Variants in FAT3 observed in about 807,000 individuals in gnomAD.
The protein encoded by FAT3 is FAT atypical cadherin 3.
In FAT3, 95 loss-of-function variants were observed where a neutral mutation model predicts 310.2. The observed-to-expected ratio is 0.31, with a 90% CI of 0.26 to 0.36. The LOEUF (loss-of-function observed/expected upper bound fraction) is 0.36, where lower values mean the gene tolerates loss of function less well. Ranked by LOEUF, FAT3 falls within the 10% of genes least tolerant of loss-of-function variation. The pLI, the probability that FAT3 is intolerant of heterozygous loss-of-function variation, is 1.00. For synonymous variants in FAT3, 2,314 were observed against 2,192.9 expected (o/e 1.06, Z -1.54); for missense variants, 5,408 against 5,715.6 (o/e 0.95, Z 1.74).
chr11:92,661,338 A>G (rs2135794339), intron 3 of FAT3, among the ~76,000 whole-genome samples: 1 of 152,330 alleles, frequency 6.6e-6, no homozygotes, highest in Admixed American at 6.5e-5. Context: ...GCCGACAGAA[A>G]GGTGTGTGGT....
intron 2 of FAT3, among the ~76,000 whole-genome samples, chr11:92,496,667 G>A (rs1952776085): frequency 6.6e-6 from 1 of 152,030 alleles, no homozygotes; most frequent in African/African-American, 2.4e-5. Flanking sequence ...CTCTAGGGCA[G>A]TGGTGGGGAC....
chr11:92,421,279 A>T (rs1450464093), intron 2 of FAT3, among the ~76,000 whole-genome samples: 1 of 152,234 alleles, frequency 6.6e-6, no homozygotes, highest in East Asian at 1.9e-4. Flanking sequence ...CTGAGAGCCT[A>T]AACATTAATA....
chr11:92,705,148 C>T (rs1944231085), intron 4 of FAT3, among the ~76,000 whole-genome samples: 1 of 152,202 alleles, frequency 6.6e-6, no homozygotes, highest in Non-Finnish European at 1.5e-5. Context: ...GTTTTACCCA[C>T]AAGAATGCTT....
intron 1 of FAT3, among the ~76,000 whole-genome samples, chr11:92,334,797 A>G (rs1591124797): frequency 6.6e-6 from 1 of 152,192 alleles, no homozygotes; most frequent in Non-Finnish European, 1.5e-5. Flanking sequence ...CCAGGCCAGC[A>G]TATGTGAAAC....
At chr11:92,805,459 T>C (rs1001933054) in intron 11 of FAT3, 110 bp downstream of exon 11, 8 of 1,191,884 alleles carry the variant, frequency 6.7e-6, no homozygotes, top group Non-Finnish European at 8.1e-6. Context: ...TTATCTGCAA[T>C]TGGGTGTGGG....
At position 92,708,542 on chromosome 11, in the gene FAT3, A is replaced by G. The variant is rs185386829; in HGVS notation, c.3669+11097A>G. On this transcript the variant is annotated intron_variant, in intron 4 of 27. Transcript: ENST00000525166. ...TATTTACACTGCACATGCATTGCAC[A>G]TGTTAAGTGTTTAATATGTTAGCTA... 5.3e-5 allele frequency among the ~76,000 whole-genome samples: 8 copies of G among 152,362 alleles called. No individual in the cohort carries two copies. In the East Asian group the frequency reaches 1.5e-3, roughly 29 times the overall value.
In FAT3 at chr11:92,353,747, C is replaced by A; in HGVS notation, c.1635C>A (p.Phe545Leu). 2 of 1,613,842 alleles carry A rather than the reference C, an allele frequency of 1.2e-6. No homozygotes were observed. The highest frequency in any genetic ancestry group is 1.7e-6 in the Non-Finnish European group (2 of 1,179,832). Residue 545 changes from phenylalanine (F) to leucine (L), a missense_variant, in exon 2 of 28, where the codon TTC (phenylalanine) becomes TTA (leucine). Transcript: ENST00000525166. ...AATCCTCCCCAGAAATTTACAGATT[C>A]ATTGTTAGAGCCTCTGACTGGGGTT... ...DFESSPEIYR[F>L]IVRASDWGSP... is the part of the protein sequence containing the mutation.
chr11:92,734,392 C>CAACAG (rs1212309464), intron 4 of FAT3, among the ~76,000 whole-genome samples: 4 of 152,146 alleles, frequency 2.6e-5, no homozygotes, highest in African/African-American at 9.7e-5. Context: ...GAAGGGATTA[C>CAACAG]ATAGATGTCT....
intron 2 of FAT3, among the ~76,000 whole-genome samples, chr11:92,356,574 A>C (rs1233889649): frequency 6.6e-6 from 1 of 152,192 alleles, no homozygotes; most frequent in Non-Finnish European, 1.5e-5. Flanking sequence ...TCCATGTCAC[A>C]TGGCAAAGAG....
intron 1 of FAT3, among the ~76,000 whole-genome samples, chr11:92,320,324 C>T (rs1403668535): frequency 6.6e-6 from 1 of 152,056 alleles, no homozygotes; most frequent in Non-Finnish European, 1.5e-5. Context: ...AGGAGCCCTC[C>T]CTGATTTGCA....
intron 3 of FAT3, among the ~76,000 whole-genome samples, chr11:92,526,880 A>G (rs1163881385): frequency 6.6e-6 from 1 of 152,232 alleles, no homozygotes; most frequent in Non-Finnish European, 1.5e-5. Flanking sequence ...GTTTCCAGAC[A>G]CATGATAAGA....
At chr11:92,369,750 G>A (rs1591182672) in intron 2 of FAT3, among the ~76,000 whole-genome samples, 1 of 152,242 alleles carries the variant, frequency 6.6e-6, no homozygotes, top group Non-Finnish European at 1.5e-5. Flanking sequence ...GGGAGGCTGA[G>A]GCAGGAGAAT....
intron 3 of FAT3, among the ~76,000 whole-genome samples, chr11:92,618,138 G>A (rs1383526766): frequency 6.6e-6 from 1 of 152,138 alleles, no homozygotes; most frequent in Non-Finnish European, 1.5e-5. Context: ...CACCCAGTTC[G>A]AGCTTCCCAG....
At chr11:92,490,057 G>T (rs934814482) in intron 2 of FAT3, among the ~76,000 whole-genome samples, 5 of 152,024 alleles carry the variant, frequency 3.3e-5, no homozygotes, top group African/African-American at 1.2e-4. Context: ...ATGCAGTATG[G>T]AAAGAGCCCA....
chr11:92,492,806 A>G (rs1463911610), intron 2 of FAT3, among the ~76,000 whole-genome samples: 1 of 152,098 alleles, frequency 6.6e-6, no homozygotes, highest in Non-Finnish European at 1.5e-5. Flanking sequence ...ATTAAATGAA[A>G]TAAAACATTT....
intron 2 of FAT3, among the ~76,000 whole-genome samples, chr11:92,417,195 C>T (rs182871609): frequency 2.0e-5 from 3 of 152,294 alleles, no homozygotes; most frequent in Admixed American, 2.0e-4. Context: ...TTTAAAAATG[C>T]TAACCTATTA....
chr11:92,844,268 T>C lies in FAT3; in HGVS notation c.10901T>C (p.Val3634Ala). 6.2e-7 allele frequency: 1 copy of C among 1,613,986 alleles called. No individual in the cohort carries two copies. The change falls in exon 19 of 28, where the codon GTC (valine) becomes GCC (alanine). Residue 3634 changes from valine to alanine, a missense_variant. Physicochemically the swap from Val to Ala is moderately conservative, Grantham distance 64. This residue lies in a region of FAT3 where 4,588 missense variants were observed against 4,809.8 expected (regional missense o/e 0.95). Transcript: ENST00000525166. ...DGRFQVPIDV[V>A]VHVEQLVHEM... is the part of the protein sequence containing the mutation. ...CGCTTCCAGGTACCCATTGATGTGG[T>C]CGTGCATGTGGAGCAGTTGGTGCAT...
At chr11:92,775,407 A>G (rs1211723245) in intron 7 of FAT3, among the ~76,000 whole-genome samples, 1 of 152,232 alleles carries the variant, frequency 6.6e-6, no homozygotes, top group Non-Finnish European at 1.5e-5. Flanking sequence ...GAATTTGAAG[A>G]AAACAATAGG....
chr11:92,263,325 TACAC>T (rs561169646), intron 1 of FAT3, among the ~76,000 whole-genome samples: 1 of 151,258 alleles, frequency 6.6e-6, no homozygotes, highest in Non-Finnish European at 1.5e-5. Context: ...CACACACATA[TACAC>T]ACACACACAC....
Sources: gnomAD v4.1 joint callset for allele counts (sites outside exome capture counted in the v4.1 genomes callset) on GRCh38, gnomAD v4.1.1 for gene constraint, gnomAD v4.1.1 regional missense constraint, MANE v1.5 for transcripts, NCBI Gene and HGNC (gene_info 2026-07-23, HGNC 2026-07-21) for gene names.